Variants in DYNLT1 observed in about 807,000 individuals in gnomAD.
DYNLT1 encodes T-complex testis-specific protein 1 homolog.
In DYNLT1, 18 loss-of-function variants were observed where a neutral mutation model predicts 19.6. The observed-to-expected ratio is 0.92, with a 90% CI of 0.64 to 1.36. The LOEUF (loss-of-function observed/expected upper bound fraction) is 1.36, where lower values mean the gene tolerates loss of function less well. Among genes scored for constraint, DYNLT1 ranks in the 40% most tolerant of loss-of-function variants. The pLI, the probability that DYNLT1 is intolerant of heterozygous loss-of-function variation, is 0.00. For missense variants in DYNLT1, 137 were observed against 139.3 expected (o/e 0.98, Z 0.08); for synonymous variants, 56 against 44.0 (o/e 1.27, Z -1.07).
chr6:158,637,375 C>T (rs1583072494), intron 3 of DYNLT1, 170 bp from the exon 4 acceptor site: 6 of 648,782 alleles, frequency 9.2e-6, no homozygotes, highest in South Asian at 8.0e-5. Context: ...TATAGGTGCT[C>T]CTTGACTTAC....
chr6:158,637,406 T>C, intron 3 of DYNLT1: 1 of 624,594 alleles, frequency 1.6e-6, no homozygotes, highest in Non-Finnish European at 2.9e-6. Context: ...AAACCCATCA[T>C]AAATCAACAA....
chr6:158,636,993 C>T, intron 4 of DYNLT1, 96 bp from the exon 5 acceptor site: 1 of 1,539,598 alleles, frequency 6.5e-7, no homozygotes, highest in Non-Finnish European at 8.9e-7. Flanking sequence ...CATCTCTATG[C>T]TACACAAAGA....
chr6:158,639,904 C>T (rs979372849), intron 2 of DYNLT1, among the ~76,000 whole-genome samples: 6 of 152,194 alleles, frequency 3.9e-5, no homozygotes, highest in Non-Finnish European at 7.3e-5. Flanking sequence ...TGGTCTCGAT[C>T]TCTTGACCTC....
chr6:158,644,549 G>A (rs552477729), intron 1 of DYNLT1, 133 bp downstream of exon 1: 1 of 1,068,112 alleles, frequency 9.4e-7, no homozygotes, highest in Non-Finnish European at 1.3e-6. Flanking sequence ...CGACCGGGAA[G>A]CTCAGGCCGT....
chr6:158,641,411 A>T (rs1356616695), intron 1 of DYNLT1, 51 bp from the exon 2 acceptor site: 1 of 1,486,550 alleles, frequency 6.7e-7, no homozygotes, highest in African/African-American at 1.4e-5. Context: ...AGATATTTCC[A>T]CTACATTGAT....
rs1562327368 is a variant in DYNLT1 at position 158,644,694 on chromosome 6, C to G, written c.15G>C (p.Gln5His). The G allele has an allele frequency of 6.2e-7, 1 of 1,612,128 alleles. No individual in the cohort carries two copies. Among genetic ancestry groups the G allele is most frequent in the Middle Eastern group, 1.6e-4 (1 of 6,062 alleles). Residue 5 changes from glutamine (Q) to histidine (H), a missense_variant, in exon 1 of 5, where the codon CAG becomes CAC. Transcript: ENST00000367089. The part of the protein sequence containing the change: MEDY[Q>H]AAEETAFVVD... ...ACCCGGCGGTTACCTCCTCCGCAGC[C>G]TGGTAGTCTTCCATCTTTCCTCCGG...
chr6:158,639,061 CAGGCAGAGCAAACCAGCAG>C (rs1787082206), intron 2 of DYNLT1, among the ~76,000 whole-genome samples: 1 of 152,222 alleles, frequency 6.6e-6, no homozygotes, highest in Admixed American at 6.5e-5. Context: ...TGTCCTCAGA[CAGGCAGAGCAAACCAGCAG>C]TCCAGGGATC....
intron 4 of DYNLT1, 78 bp from the exon 5 acceptor site, chr6:158,636,975 C>G (rs1206561648): frequency 6.4e-7 from 1 of 1,558,028 alleles, no homozygotes; most frequent in Non-Finnish European, 8.8e-7. Context: ...GGCCAACATT[C>G]AAGTACCCAT....
chr6:158,644,652 C>T (rs1787314048), intron 1 of DYNLT1, 30 bp downstream of exon 1: 1 of 1,611,490 alleles, frequency 6.2e-7, no homozygotes, highest in Non-Finnish European at 8.5e-7. Context: ...CTCTAGGCCT[C>T]CACCCTTCCG....
Position 158,636,672 on chromosome 6 carries a change from C to T in DYNLT1, c.*155G>A, listed in dbSNP as rs1277283905. On this transcript the variant is annotated 3_prime_UTR_variant, in exon 5 of 5. Coordinates refer to ENST00000367089, the MANE Select transcript of DYNLT1 (RefSeq NM_006519.4). ...AGGGATACTCATCTGACTTCGGTGC[C>T]ATTCACATCACAGTGCGGTCATTTG... is the stretch of plus-strand genomic sequence containing the variant. 1 of 770,944 alleles carries T rather than the reference C, an allele frequency of 1.3e-6. No homozygotes were observed. Among genetic ancestry groups the T allele is most frequent in the African/African-American group, 1.8e-5 (1 of 57,034 alleles). 47.8% of individuals were successfully genotyped at this position (770,944 alleles called of 1,614,324 possible).
chr6:158,637,460 AT>A, intron 3 of DYNLT1: 1 of 614,014 alleles, frequency 1.6e-6, no homozygotes, highest in Non-Finnish European at 2.9e-6. Context: ...ACCCTGGTAA[AT>A]CCATCAAAGT....
intron 2 of DYNLT1, among the ~76,000 whole-genome samples, chr6:158,640,451 G>A (rs1269950348): frequency 6.6e-6 from 1 of 151,994 alleles, no homozygotes; most frequent in Non-Finnish European, 1.5e-5. Context: ...AGCTGATGAG[G>A]AAAACTCTTT....
chr6:158,639,249 T>C (rs1441958513), intron 2 of DYNLT1, among the ~76,000 whole-genome samples: 3 of 152,166 alleles, frequency 2.0e-5, no homozygotes, highest in African/African-American at 7.2e-5. Flanking sequence ...ACGTTACACA[T>C]AGGGCTGGCT....
At chr6:158,644,624 G>A in intron 1 of DYNLT1, 58 bp downstream of exon 1, 2 of 1,603,604 alleles carry the variant, frequency 1.2e-6, no homozygotes, top group Admixed American at 1.7e-5. Flanking sequence ...AGGACCGCGT[G>A]TCCTTCCGCG....
At chr6:158,644,324 A>T (rs1281628426) in intron 1 of DYNLT1, among the ~76,000 whole-genome samples, 1 of 151,820 alleles carries the variant, frequency 6.6e-6, no homozygotes. Context: ...AGCCCCGCAG[A>T]GCAAGGGGCG....
rs1263418635 is a variant in DYNLT1 at position 158,637,756 on chromosome 6, A to G, written c.193+15T>C. The G allele has an allele frequency of 6.2e-7, 1 of 1,614,000 alleles. No individual in the cohort carries two copies. Among genetic ancestry groups the G allele is most frequent in the East Asian group, 2.2e-5 (1 of 44,896 alleles). On this transcript the variant is annotated intron_variant, in intron 3 of 4. Coordinates refer to ENST00000367089, the MANE Select transcript of DYNLT1 (RefSeq NM_006519.4). ...AAACCATCCCGCAAATATAAAAGAA[A>G]CAAGACTCCATTACCGATGTATTTA...
At chr6:158,639,591 G>A (rs1274394730) in intron 2 of DYNLT1, among the ~76,000 whole-genome samples, 5 of 152,144 alleles carry the variant, frequency 3.3e-5, no homozygotes, top group African/African-American at 1.2e-4. Context: ...TACCTATTGC[G>A]GCGGCAAAAA....
intron 1 of DYNLT1, among the ~76,000 whole-genome samples, chr6:158,643,293 C>T (rs1176222776): frequency 6.6e-6 from 1 of 152,164 alleles, no homozygotes; most frequent in East Asian, 1.9e-4. Context: ...TCTTTGCCAA[C>T]TGCTCCTGAA....
intron 2 of DYNLT1, among the ~76,000 whole-genome samples, chr6:158,638,971 T>C (rs1025516776): frequency 2.0e-5 from 3 of 152,178 alleles, no homozygotes; most frequent in Non-Finnish European, 4.4e-5. Flanking sequence ...TAACTTGCTG[T>C]GCTGGAAACC....
Sources: gnomAD v4.1 joint callset for allele counts (sites outside exome capture counted in the v4.1 genomes callset) on GRCh38, gnomAD v4.1.1 for gene constraint, MANE v1.5 for transcripts, NCBI Gene and HGNC (gene_info 2026-07-23, HGNC 2026-07-21) for gene names.